Variants in NEDD4 observed in about 807,000 individuals in gnomAD.
The protein encoded by NEDD4 is E3 ubiquitin-protein ligase NEDD4.
NEDD4 carries 99 observed loss-of-function variants against 144.9 expected under a neutral mutation model. The observed-to-expected ratio is 0.68, with a 90% confidence interval of 0.58 to 0.81. The LOEUF is 0.81. NEDD4 is among the 30% of genes least tolerant of loss of function. The probability of loss-of-function intolerance (pLI) is 0.00; values close to 1 mark genes in which losing one functional copy is unlikely to be tolerated. For synonymous variants in NEDD4, 318 were observed against 350.6 expected (o/e 0.91, Z 1.04); for missense variants, 985 against 1,065.9 (o/e 0.92, Z 1.06).
rs776959005 is a variant in NEDD4, at chr15:55,860,484, T to C, written c.883A>G (p.Thr295Ala). 7.4e-6 allele frequency: 12 copies of C among 1,613,968 alleles called. No homozygotes were observed. Among genetic ancestry groups the C allele is most frequent in the African/African-American group, 5.3e-5 (4 of 74,898 alleles). Residue 295 changes from threonine (T) to alanine (A), a missense_variant, in exon 11 of 29, where the codon ACT (threonine) becomes GCT (alanine). By Grantham distance (58) the Thr-to-Ala change is moderately conservative. Coordinates refer to ENST00000435532, the MANE Select transcript of NEDD4 (RefSeq NM_006154.4). The stretch of plus-strand genomic sequence containing the variant: ...GCATTCAATTCTTCTGCAAGATGAG[T>C]TGGAACATCCAAGTTACTTGACGGT... The part of the protein sequence containing the change: ...PPPSSNLDVP[T>A]HLAEELNARL...
intron 4 of NEDD4, among the ~76,000 whole-genome samples, chr15:55,938,746 AC>A (rs1186471618): frequency 1.3e-5 from 2 of 152,116 alleles, no homozygotes; most frequent in East Asian, 3.8e-4. Context: ...AAAATTACAT[AC>A]AAAAGGAACT....
intron 13 of NEDD4, among the ~76,000 whole-genome samples, chr15:55,851,904 T>G (rs1215033991): frequency 6.6e-6 from 1 of 152,242 alleles, no homozygotes; most frequent in African/African-American, 2.4e-5. Context: ...TATTCTCATT[T>G]GTACTTGTTT....
At chr15:55,861,582 T>C (rs2034409749) in intron 9 of NEDD4, among the ~76,000 whole-genome samples, 1 of 152,208 alleles carries the variant, frequency 6.6e-6, no homozygotes, top group South Asian at 2.1e-4. Context: ...CTTGTGAGGA[T>C]GGATACCCCA....
chr15:55,851,892 CTTA>C (rs2033996938), intron 13 of NEDD4, among the ~76,000 whole-genome samples: 1 of 152,144 alleles, frequency 6.6e-6, no homozygotes, highest in Non-Finnish European at 1.5e-5. Context: ...GCTTTTTCCT[CTTA>C]TTCTCATTTG....
At position 55,979,642 on chromosome 15, in the gene NEDD4, C is replaced by T. The variant is rs1036356807; in HGVS notation, c.46-13096G>A. Among the ~76,000 whole-genome samples the T allele has an allele frequency of 2.0e-5, 3 of 151,722 alleles. No individual in the cohort carries two copies. The South Asian group carries it at 6.2e-4, about 32-fold the overall frequency. On this transcript the variant is annotated intron_variant, in intron 1 of 28. Transcript: ENST00000435532. ...TGCTGGGATTACAGGCGTGAGCCAC[C>T]GCGCCCGGCGAAAGTTTTTACTTCT...
rs144419274 is a variant in NEDD4, at chr15:55,969,754, G to A, written c.46-3208C>T. ...AGCTCTTGGGCCTTGAATAAACATC[G>A]GGGTAGCCAGGCAGCAGTTGCCACA... On this transcript the variant is annotated intron_variant, in intron 1 of 28. Coordinates refer to ENST00000435532, the MANE Select transcript of NEDD4 (RefSeq NM_006154.4). 4.2e-3 allele frequency among the ~76,000 whole-genome samples: 633 copies of A among 152,144 alleles called. 3 individuals are homozygous for A. Among genetic ancestry groups the A allele is most frequent in the Non-Finnish European group, 7.0e-3 (478 of 67,992 alleles).
At chr15:55,846,618 C>A (rs563730617) in intron 18 of NEDD4, among the ~76,000 whole-genome samples, 140 of 152,322 alleles carry the variant, frequency 9.2e-4, no homozygotes, top group African/African-American at 3.2e-3. Context: ...TCCTCCAACA[C>A]AGTCAAAGAC....
intron 21 of NEDD4, among the ~76,000 whole-genome samples, chr15:55,839,750 G>A (rs1200409898): frequency 6.6e-6 from 1 of 151,672 alleles, no homozygotes; most frequent in Non-Finnish European, 1.5e-5. Flanking sequence ...CGCTGAGGCA[G>A]GCGGATAACG....
chr15:55,935,640 G>C lies in NEDD4; in HGVS notation c.238-10941C>G, dbSNP rs201852150. Among the ~76,000 whole-genome samples, 21 of 152,148 alleles carry C rather than the reference G, an allele frequency of 1.4e-4. No homozygotes were observed. The East Asian group carries it at 4.1e-3, about 30-fold the overall frequency. ...AGGCAGACGGATCATGAGGTCAGGA[G>C]ATCGAGACCATCCTGGCTAACACAG... On this transcript the variant is annotated intron_variant, in intron 4 of 28. Transcript: ENST00000435532.
rs1228264253 is a variant in NEDD4, at chr15:55,965,687, T to TATGTATGC, written c.119+785_119+786insGCATACAT. On this transcript the variant is annotated intron_variant, in intron 2 of 28. Coordinates refer to ENST00000435532, the MANE Select transcript of NEDD4 (RefSeq NM_006154.4). ...GTATGTATGTATGTATGTATGTATG[T>TATGTATGC]ATGCATGCATGTTTGTATGTATTTT... Among the ~76,000 whole-genome samples, 93 of 150,416 alleles carry TATGTATGC rather than the reference T, an allele frequency of 6.2e-4. No individual in the cohort carries two copies. In the East Asian group the frequency reaches 9.7e-3, roughly 16 times the overall value.
intron 4 of NEDD4, among the ~76,000 whole-genome samples, chr15:55,933,535 G>A (rs556281130): frequency 7.8e-6 from 1 of 127,800 alleles, no homozygotes; most frequent in Non-Finnish European, 1.6e-5. Flanking sequence ...GTCGTGGGGT[G>A]GGGGGAGGGG....
intron 1 of NEDD4, among the ~76,000 whole-genome samples, chr15:55,983,278 C>T (rs1014567278): frequency 4.0e-5 from 4 of 100,736 alleles, no homozygotes; most frequent in Admixed American, 9.7e-5. Flanking sequence ...TTGATGATGA[C>T]GACAATGGTG....
At chr15:55,918,892 G>A (rs917985306) in intron 5 of NEDD4, among the ~76,000 whole-genome samples, 2 of 152,030 alleles carry the variant, frequency 1.3e-5, no homozygotes, top group African/African-American at 2.4e-5. Context: ...TGACTTCAGC[G>A]TTCTTTCTGG....
At position 55,840,234 on chromosome 15, in the gene NEDD4, T is replaced by C. The variant is rs573467981; in HGVS notation, c.2031+213A>G. ...AGTAAATCTAGAAAAAAAGCAATTG[T>C]GAGTAGTTGATATACAACTGTCCAA... On this transcript the variant is annotated intron_variant, in intron 21 of 28. Transcript: ENST00000435532. Among the ~76,000 whole-genome samples the C allele has an allele frequency of 1.2e-3, 177 of 151,582 alleles. 1 individual carries two copies. The highest frequency in any genetic ancestry group is 4.2e-3 in the African/African-American group (173 of 41,340).
At chr15:55,992,725 T>C (rs540229902) in intron 1 of NEDD4, among the ~76,000 whole-genome samples, 2 of 152,368 alleles carry the variant, frequency 1.3e-5, no homozygotes, top group South Asian at 2.1e-4. Context: ...ACAATATTTT[T>C]AATAAGCATA....
chr15:55,906,381 C>T (rs1374966750), intron 5 of NEDD4, among the ~76,000 whole-genome samples: 1 of 152,116 alleles, frequency 6.6e-6, no homozygotes, highest in African/African-American at 2.4e-5. Context: ...TGGAACCAAC[C>T]CAAATGTCCA....
At position 55,956,588 on chromosome 15, in the gene NEDD4, A is replaced by G. The variant is rs560513933; in HGVS notation, c.120-4999T>C. Among the ~76,000 whole-genome samples, 39 of 152,272 alleles carry G rather than the reference A, an allele frequency of 2.6e-4. No homozygotes were observed. In the South Asian group the frequency reaches 4.1e-3, roughly 16 times the overall value. On this transcript the variant is annotated intron_variant, in intron 2 of 28. Coordinates refer to ENST00000435532, the MANE Select transcript of NEDD4 (RefSeq NM_006154.4). ...TTTGTTAAACAGGAGCTGATCATAT[A>G]TATGTGTATATATTCTCTCTCTCGC...
rs185934433 is a variant in NEDD4 at position 55,978,118 on chromosome 15, T to C, written c.46-11572A>G. ...ATCCATATTTGTGGAGCTCCTGATATTAAAAACCATCCATGTTAGCCTCGA... is the reference window on the plus strand; with the variant it reads ...ATCCATATTTGTGGAGCTCCTGATACTAAAAACCATCCATGTTAGCCTCGA... On this transcript the variant is annotated intron_variant, in intron 1 of 28. Transcript: ENST00000435532. Among the ~76,000 whole-genome samples the C allele has an allele frequency of 3.3e-3, 507 of 152,268 alleles. 2 individuals are homozygous for C. The highest frequency in any genetic ancestry group is 0.012 in the African/African-American group (486 of 41,548).
chr15:55,958,022 G>A (rs1293472667), intron 2 of NEDD4, among the ~76,000 whole-genome samples: 2 of 152,088 alleles, frequency 1.3e-5, no homozygotes, highest in African/African-American at 2.4e-5. Context: ...TAATGTAAAC[G>A]ATGAGTTGAT....
Sources: gnomAD v4.1 joint callset for allele counts (sites outside exome capture counted in the v4.1 genomes callset) on GRCh38, gnomAD v4.1.1 for gene constraint, MANE v1.5 for transcripts, NCBI Gene and HGNC (gene_info 2026-07-23, HGNC 2026-07-21) for gene names.